The following TRPM3 variants were observed in gnomAD, a reference collection of about 807,000 sequenced individuals.
The protein encoded by TRPM3 is long transient receptor potential channel 3.
In TRPM3, 77 loss-of-function variants were observed where a neutral mutation model predicts 181.2. The ratio of observed to expected loss-of-function variants is 0.42; its 90% CI spans 0.35 to 0.51. TRPM3 has a LOEUF of 0.51. Among genes scored for constraint, TRPM3 ranks in the 20% least tolerant of loss-of-function variants. The pLI, the probability that TRPM3 is intolerant of heterozygous loss-of-function variation, is 0.01. For missense variants in TRPM3, 1,759 were observed against 2,196.7 expected (o/e 0.80, Z 3.98); for synonymous variants, 745 against 796.4 (o/e 0.94, Z 1.09).
At chr9:70,789,366 T>G (rs997627930) in intron 6 of TRPM3, among the ~76,000 whole-genome samples, 2 of 152,178 alleles carry the variant, frequency 1.3e-5, no homozygotes, top group Admixed American at 6.5e-5. Context: ...CAAATTTGTG[T>G]CTCGCTCAGC....
chr9:71,353,414 T>C lies in TRPM3; in HGVS notation c.183+93239A>G, dbSNP rs574460307. Among the ~76,000 whole-genome samples the C allele has an allele frequency of 7.4e-4, 113 of 152,104 alleles. 1 individual carries two copies. Among genetic ancestry groups the C allele is most frequent in the Non-Finnish European group, 1.1e-3 (75 of 68,018 alleles). On this transcript the variant is annotated intron_variant, in intron 1 of 24. Transcript: ENST00000357533. ...GGTGAATGCATAAAGGTAAGAGATG[T>C]CCAAGGCCCCTACTGTCCCCTGGCT...
intron 1 of TRPM3, among the ~76,000 whole-genome samples, chr9:71,082,505 G>A (rs2133776551): frequency 6.6e-6 from 1 of 152,210 alleles, no homozygotes; most frequent in Non-Finnish European, 1.5e-5. Flanking sequence ...GGTAAATAAA[G>A]GGAATCTATG....
chr9:71,271,704 C>T (rs775169371), intron 1 of TRPM3, among the ~76,000 whole-genome samples: 17 of 152,014 alleles, frequency 1.1e-4, no homozygotes, highest in Non-Finnish European at 2.2e-4. Context: ...ACTGGACTGG[C>T]GAACGTACCT....
At chr9:70,557,665 C>T (rs1167957107) in intron 22 of TRPM3, among the ~76,000 whole-genome samples, 2 of 152,178 alleles carry the variant, frequency 1.3e-5, no homozygotes, top group Non-Finnish European at 1.5e-5. Context: ...CCGGGACATG[C>T]ACCCAAGATG....
intron 1 of TRPM3, among the ~76,000 whole-genome samples, chr9:70,908,899 A>G (rs2133116043): frequency 6.6e-6 from 1 of 152,338 alleles, no homozygotes; most frequent in African/African-American, 2.4e-5. Flanking sequence ...GTGCTGTGTC[A>G]ACTGAATATT....
intron 1 of TRPM3, among the ~76,000 whole-genome samples, chr9:71,263,369 A>T (rs1312897352): frequency 2.6e-5 from 4 of 152,220 alleles, no homozygotes; most frequent in African/African-American, 7.2e-5. Context: ...TAGTACAAAG[A>T]CTGTTTATTT....
intron 20 of TRPM3, among the ~76,000 whole-genome samples, chr9:70,602,314 G>A (rs1291075111): frequency 2.0e-5 from 3 of 152,166 alleles, no homozygotes; most frequent in African/African-American, 4.8e-5. Context: ...CTCTGGAAGA[G>A]AACATTATAG....
At chr9:70,820,683 A>C (rs758182919) in intron 6 of TRPM3, among the ~76,000 whole-genome samples, 7 of 152,184 alleles carry the variant, frequency 4.6e-5, no homozygotes, top group Non-Finnish European at 1.0e-4. Flanking sequence ...ATGTTTTTGA[A>C]CTGCCACATG....
At chr9:71,095,487 G>A (rs145770238) in intron 1 of TRPM3, among the ~76,000 whole-genome samples, 288 of 152,120 alleles carry the variant, frequency 1.9e-3, no homozygotes, top group Middle Eastern at 3.4e-3. Context: ...GGCCAGGTGC[G>A]GTGGCTTACG....
chr9:71,195,047 T>C (rs1318526302), intron 1 of TRPM3, among the ~76,000 whole-genome samples: 1 of 151,948 alleles, frequency 6.6e-6, no homozygotes, highest in Non-Finnish European at 1.5e-5. Context: ...AAGAATATCG[T>C]TTTAACCCTG....
intron 6 of TRPM3, among the ~76,000 whole-genome samples, chr9:70,787,763 C>CTTTTTTTTTTTTTTTTTTTTTTGATTT (rs2084089646): frequency 1.5e-5 from 1 of 68,558 alleles, no homozygotes; most frequent in Non-Finnish European, 2.6e-5. Context: ...TTTTTGGATT[C>CTTTTTTTTTTTTTTTTTTTTTTGATTT]TTTTTTTTTT....
intron 12 of TRPM3, among the ~76,000 whole-genome samples, chr9:70,634,723 A>ATAG (rs2066565177): frequency 1.3e-5 from 2 of 151,990 alleles, no homozygotes; most frequent in African/African-American, 4.8e-5. Flanking sequence ...TTCTGGAAAA[A>ATAG]ATAGAATGTT....
rs977029483 is a variant in TRPM3, at chr9:71,010,125, G to A, written c.177+111053C>T. Among the ~76,000 whole-genome samples the A allele has an allele frequency of 4.9e-4, 74 of 152,180 alleles. 1 individual carries two copies. The highest frequency in any genetic ancestry group is 1.4e-3 in the African/African-American group (57 of 41,554). On this transcript the variant is annotated intron_variant, in intron 1 of 25. Transcript: ENST00000677713. ...AAATAAAAGACCTGAAACTAGGAAAGTACTAGAAGCAAAAATAGGAAAAAT... is the reference window on the plus strand; with the variant it reads ...AAATAAAAGACCTGAAACTAGGAAAATACTAGAAGCAAAAATAGGAAAAAT...
chr9:70,803,456 T>G (rs1054535731), intron 6 of TRPM3, among the ~76,000 whole-genome samples: 1 of 148,420 alleles, frequency 6.7e-6, no homozygotes, highest in Non-Finnish European at 1.5e-5. Flanking sequence ...TTGTTGTTTT[T>G]TTTTTTTTTT....
At chr9:71,291,146 A>C (rs939825434) in intron 1 of TRPM3, among the ~76,000 whole-genome samples, 1 of 152,168 alleles carries the variant, frequency 6.6e-6, no homozygotes, top group Non-Finnish European at 1.5e-5. Context: ...CAGCAGACCA[A>C]ACCAAAATGG....
chr9:70,742,858 C>T (rs1400835994), intron 8 of TRPM3, among the ~76,000 whole-genome samples: 1 of 152,142 alleles, frequency 6.6e-6, no homozygotes. Flanking sequence ...AATCTTCTTC[C>T]TAAATCAAGT....
intron 6 of TRPM3, chr9:70,809,906 C>T (rs1157782699): frequency 1.9e-6 from 1 of 527,324 alleles, no homozygotes; most frequent in East Asian, 5.5e-5. Context: ...GTTATGGGCC[C>T]AATGATGGAA....
At chr9:71,443,867 C>T (rs895885121) in intron 1 of TRPM3, among the ~76,000 whole-genome samples, 4 of 151,968 alleles carry the variant, frequency 2.6e-5, no homozygotes, top group Admixed American at 6.6e-5. Context: ...ATGATGTATG[C>T]AATGCTTTGT....
At chr9:70,823,423 C>G (rs1187139539) in intron 6 of TRPM3, among the ~76,000 whole-genome samples, 1 of 152,320 alleles carries the variant, frequency 6.6e-6, no homozygotes, top group East Asian at 1.9e-4. Context: ...TCACTGAACA[C>G]CTGGTGGCTT....
Sources: allele counts gnomAD v4.1 joint callset (sites outside exome capture counted in the v4.1 genomes callset), GRCh38; gene constraint gnomAD v4.1.1; transcripts MANE v1.5; gene names NCBI Gene and HGNC (gene_info 2026-07-23, HGNC 2026-07-21).